LRRTM4: variants seen among roughly 807,000 people sequenced by gnomAD.
LRRTM4 encodes leucine-rich repeat transmembrane neuronal protein 4.
Under a neutral mutation model 47.6 loss-of-function variants are expected in LRRTM4, and 25 were observed. The observed-to-expected ratio is 0.53, with a 90% confidence interval of 0.38 to 0.73. The LOEUF is 0.73. LRRTM4 is among the 30% of genes least tolerant of loss of function. The pLI, the probability that LRRTM4 is intolerant of heterozygous loss-of-function variation, is 0.00. For synonymous variants in LRRTM4, 311 were observed against 269.5 expected (o/e 1.15, Z -1.51); for missense variants, 638 against 713.4 (o/e 0.89, Z 1.20).
intron 3 of LRRTM4, among the ~76,000 whole-genome samples, chr2:76,874,967 T>C (rs1286026679): frequency 6.6e-6 from 1 of 152,122 alleles, no homozygotes; most frequent in Admixed American, 6.6e-5. Context: ...TTCTTATACG[T>C]ATTTGCATTT....
intron 3 of LRRTM4, among the ~76,000 whole-genome samples, chr2:76,788,176 C>A (rs938688998): frequency 6.6e-6 from 1 of 151,982 alleles, no homozygotes; most frequent in African/African-American, 2.4e-5. Context: ...ATAAATAGTT[C>A]CAGTAGAATG....
rs541529313 is a variant in LRRTM4 at position 77,398,541 on chromosome 2, A to G, written c.1551+119777T>C. ...AGGTTGAGTTTTGATGATGAATTAC[A>G]GAACAACTTCAGTTTTCAGAATGGT... On this transcript the variant is annotated intron_variant, in intron 3 of 3. Coordinates refer to ENST00000409884, the MANE Select transcript of LRRTM4 (RefSeq NM_001134745.3). 2.6e-4 allele frequency among the ~76,000 whole-genome samples: 39 copies of G among 152,004 alleles called. No individual in the cohort carries two copies. The South Asian group carries it at 2.7e-3, about 10-fold the overall frequency.
intron 3 of LRRTM4, among the ~76,000 whole-genome samples, chr2:76,987,968 C>T (rs1352003910): frequency 6.6e-6 from 1 of 151,824 alleles, no homozygotes; most frequent in African/African-American, 2.4e-5. Flanking sequence ...ATTTCAAATG[C>T]TAAATATGCA....
intron 3 of LRRTM4, among the ~76,000 whole-genome samples, chr2:76,873,506 G>GTGTATATATATATATACATATA (rs367573475): frequency 8.9e-6 from 1 of 112,310 alleles, no homozygotes; most frequent in Non-Finnish European, 1.9e-5. Context: ...ATATATGTGT[G>GTGTATATATATATATACATATA]TATATATATA....
rs565070234 is a variant in LRRTM4, at chr2:76,941,594, TA to T, written c.1552-192679del. ...GTTTTTTGTTCCTGTTTTAGTTTGT[TA>T]AAAATAATGGTTTCCAGGTCATAAA... On this transcript the variant is annotated intron_variant, in intron 3 of 3. Transcript: ENST00000409884. Among the ~76,000 whole-genome samples the T allele has an allele frequency of 5.3e-3, 803 of 152,218 alleles. 4 individuals are homozygous for T. The highest frequency in any genetic ancestry group is 0.01 in the Middle Eastern group (3 of 294).
intron 3 of LRRTM4, among the ~76,000 whole-genome samples, chr2:76,835,559 T>C (rs981484530): frequency 2.0e-5 from 3 of 152,042 alleles, no homozygotes; most frequent in African/African-American, 4.8e-5. Flanking sequence ...CTTTGATCAT[T>C]TGAAGCAAAA....
chr2:77,237,763 G>T (rs534069466), intron 3 of LRRTM4, among the ~76,000 whole-genome samples: 1 of 152,226 alleles, frequency 6.6e-6, no homozygotes, highest in East Asian at 1.9e-4. Context: ...AATACACAGA[G>T]CTCTAACTAG....
chr2:77,121,440 G>A (rs969731766), intron 3 of LRRTM4, among the ~76,000 whole-genome samples: 2 of 151,736 alleles, frequency 1.3e-5, no homozygotes, highest in African/African-American at 4.8e-5. Context: ...ATTAAGATAA[G>A]ACATATTAAT....
chr2:76,974,159 T>TATATATATACATACATATATATACATAC lies in LRRTM4; in HGVS notation c.1552-225271_1552-225244dup, dbSNP rs1371804762. ...ATATATACATATATATACATACATA[T>TATATATATACATACATATATATACATAC]ATATATATACATACATATATATACA... On this transcript the variant is annotated intron_variant, in intron 3 of 3. Coordinates refer to ENST00000409884, the MANE Select transcript of LRRTM4 (RefSeq NM_001134745.3). Among the ~76,000 whole-genome samples, 3 of 132,780 alleles carry TATATATATACATACATATATATACATAC rather than the reference T, an allele frequency of 2.3e-5. No homozygotes were observed. The East Asian group carries it at 7.8e-4, about 35-fold the overall frequency. The allele number at this position is 132,780 out of a possible 152,430, so 87.1% of individuals were successfully genotyped here.
chr2:77,498,247 TA>T (rs1269938869), intron 3 of LRRTM4, among the ~76,000 whole-genome samples: 1 of 151,830 alleles, frequency 6.6e-6, no homozygotes, highest in African/African-American at 2.4e-5. Context: ...TCCCATATAA[TA>T]GAGGAAAATT....
At chr2:76,864,811 C>A (rs76486611) in intron 3 of LRRTM4, among the ~76,000 whole-genome samples, 3,550 of 149,628 alleles carry the variant, frequency 0.024, 134 homozygotes, top group African/African-American at 0.082. Flanking sequence ...ACTGCAGCTT[C>A]AACCTCCCGG....
chr2:77,419,666 GGA>G (rs1390695984), intron 3 of LRRTM4, among the ~76,000 whole-genome samples: 1 of 152,006 alleles, frequency 6.6e-6, no homozygotes, highest in Non-Finnish European at 1.5e-5. Flanking sequence ...ACATACAGAG[GGA>G]TGACTGTATT....
chr2:77,514,835 C>G (rs1262512230), intron 3 of LRRTM4, among the ~76,000 whole-genome samples: 1 of 151,752 alleles, frequency 6.6e-6, no homozygotes, highest in East Asian at 1.9e-4. Flanking sequence ...CCTAGAAGAA[C>G]TAGATATTCA....
intron 3 of LRRTM4, among the ~76,000 whole-genome samples, chr2:76,753,604 AG>A (rs1672924425): frequency 6.6e-6 from 1 of 152,168 alleles, no homozygotes; most frequent in Admixed American, 6.5e-5. Context: ...AGGGGTTCAT[AG>A]TGTTAGTAAT....
At chr2:76,756,205 T>C (rs1278859250) in intron 3 of LRRTM4, among the ~76,000 whole-genome samples, 1 of 152,186 alleles carries the variant, frequency 6.6e-6, no homozygotes, top group Non-Finnish European at 1.5e-5. Flanking sequence ...TTCCTTTTTA[T>C]GAACTTCAAG....
At chr2:77,118,887 C>T (rs1671456374) in intron 3 of LRRTM4, among the ~76,000 whole-genome samples, 1 of 151,700 alleles carries the variant, frequency 6.6e-6, no homozygotes, top group Admixed American at 6.6e-5. Flanking sequence ...TTGTTCTAAT[C>T]AGGATACTTT....
intron 3 of LRRTM4, among the ~76,000 whole-genome samples, chr2:77,463,110 A>G (rs568362929): frequency 1.1e-4 from 16 of 152,212 alleles, no homozygotes; most frequent in Admixed American, 4.6e-4. Context: ...GTGACTTACA[A>G]AAACCTAGAT....
At chr2:76,971,138 G>T (rs530175634) in intron 3 of LRRTM4, among the ~76,000 whole-genome samples, 7 of 152,070 alleles carry the variant, frequency 4.6e-5, no homozygotes, top group African/African-American at 1.7e-4. Context: ...CAGTTGCCAC[G>T]AACAAAGTCT....
At chr2:77,331,177 T>C (rs1304511021) in intron 3 of LRRTM4, among the ~76,000 whole-genome samples, 1 of 152,192 alleles carries the variant, frequency 6.6e-6, no homozygotes, top group Non-Finnish European at 1.5e-5. Context: ...TATTTTTCTA[T>C]TTCTCTTTCC....
Sources: allele counts gnomAD v4.1 joint callset (sites outside exome capture counted in the v4.1 genomes callset), GRCh38; gene constraint gnomAD v4.1.1; transcripts MANE v1.5; gene names NCBI Gene and HGNC (gene_info 2026-07-23, HGNC 2026-07-21).